LRRTM4: variants seen among roughly 807,000 people sequenced by gnomAD.
LRRTM4 encodes the protein leucine-rich repeat transmembrane neuronal protein 4.
Under a neutral mutation model 47.6 loss-of-function variants are expected in LRRTM4, and 25 were observed. The observed-to-expected ratio is 0.53, with a 90% CI of 0.38 to 0.73. The LOEUF (loss-of-function observed/expected upper bound fraction) is 0.73, where lower values mean the gene tolerates loss of function less well. Ranked by LOEUF, LRRTM4 falls within the 30% of genes least tolerant of loss-of-function variation. The pLI is 0.00. For missense variants in LRRTM4, 638 were observed against 713.4 expected (o/e 0.89, Z 1.20); for synonymous variants, 311 against 269.5 (o/e 1.15, Z -1.51).
At chr2:76,994,974 A>G (rs1677147603) in intron 3 of LRRTM4, among the ~76,000 whole-genome samples, 1 of 151,984 alleles carries the variant, frequency 6.6e-6, no homozygotes, top group Admixed American at 6.6e-5. Context: ...TGACATTTTT[A>G]TCTAAATCAA....
At chr2:77,137,429 G>C (rs982193585) in intron 3 of LRRTM4, among the ~76,000 whole-genome samples, 1 of 151,886 alleles carries the variant, frequency 6.6e-6, no homozygotes, top group Non-Finnish European at 1.5e-5. Flanking sequence ...AATGCTGAGA[G>C]ATTTTGTCAC....
chr2:76,796,852 T>C (rs1422228943), intron 3 of LRRTM4, among the ~76,000 whole-genome samples: 1 of 151,880 alleles, frequency 6.6e-6, no homozygotes, highest in Non-Finnish European at 1.5e-5. Flanking sequence ...GCTGATTCGA[T>C]CAACTGGAAG....
chr2:77,172,224 A>C (rs1673067928), intron 3 of LRRTM4, among the ~76,000 whole-genome samples: 1 of 152,236 alleles, frequency 6.6e-6, no homozygotes, highest in Non-Finnish European at 1.5e-5. Context: ...ACTATTGATG[A>C]AATGTTGGGA....
At chr2:77,061,508 G>A (rs1679783921) in intron 3 of LRRTM4, among the ~76,000 whole-genome samples, 1 of 152,150 alleles carries the variant, frequency 6.6e-6, no homozygotes, top group Non-Finnish European at 1.5e-5. Context: ...TTAGCCTGTT[G>A]TATCGCATCA....
intron 3 of LRRTM4, among the ~76,000 whole-genome samples, chr2:77,023,243 C>T (rs1678336738): frequency 6.6e-6 from 1 of 152,194 alleles, no homozygotes; most frequent in African/African-American, 2.4e-5. Flanking sequence ...AGACTGCACA[C>T]AGCACAGGGA....
intron 3 of LRRTM4, among the ~76,000 whole-genome samples, chr2:77,472,218 T>C (rs1274183000): frequency 6.6e-6 from 1 of 152,166 alleles, no homozygotes; most frequent in African/African-American, 2.4e-5. Context: ...AAGACTGCAA[T>C]GTACCTGACG....
intron 3 of LRRTM4, among the ~76,000 whole-genome samples, chr2:76,776,786 G>T (rs62172089): frequency 8.4e-3 from 965 of 115,076 alleles, no homozygotes; most frequent in African/African-American, 0.011. Flanking sequence ...GTCAATTTTG[G>T]CTTTTGTTGC....
chr2:76,780,219 T>G (rs553971200), intron 3 of LRRTM4, among the ~76,000 whole-genome samples: 1 of 152,308 alleles, frequency 6.6e-6, no homozygotes, highest in African/African-American at 2.4e-5. Flanking sequence ...TCAACTTTGG[T>G]GAATCTGACA....
intron 3 of LRRTM4, among the ~76,000 whole-genome samples, chr2:76,974,795 G>A (rs1676362711): frequency 6.6e-6 from 1 of 151,516 alleles, no homozygotes; most frequent in South Asian, 2.1e-4. Flanking sequence ...TACTACAAAA[G>A]TTGTTAAATT....
chr2:77,156,763 A>G (rs1672571397), intron 3 of LRRTM4, among the ~76,000 whole-genome samples: 1 of 149,486 alleles, frequency 6.7e-6, no homozygotes, highest in Non-Finnish European at 1.5e-5. Flanking sequence ...GCTAGAGTGC[A>G]GTGGCATAAT....
In LRRTM4 at chr2:77,362,166, A is replaced by AAGG. The variant is rs1558707453; in HGVS notation, c.1551+156151_1551+156152insCCT. Among the ~76,000 whole-genome samples, 153 of 110,410 alleles carry AAGG rather than the reference A, an allele frequency of 1.4e-3. 1 individual carries two copies. Among genetic ancestry groups the AAGG allele is most frequent in the African/African-American group, 4.5e-3 (94 of 20,848 alleles). 72.4% of individuals were successfully genotyped at this position (110,410 alleles called of 152,430 possible). ...GAAAGAAAGAAAGAAAGAAAGAAAGAAAGAAAGGAAGGAAGGAAGAGTTCT... is the reference window on the plus strand; with the variant it reads ...GAAAGAAAGAAAGAAAGAAAGAAAGAAGGAAGAAAGGAAGGAAGGAAGAGTTCT... On this transcript the variant is annotated intron_variant, in intron 3 of 3. Transcript: ENST00000409884.
intron 3 of LRRTM4, among the ~76,000 whole-genome samples, chr2:77,047,750 G>C (rs956263787): frequency 6.6e-6 from 1 of 152,014 alleles, no homozygotes; most frequent in Non-Finnish European, 1.5e-5. Flanking sequence ...AGGGACTGGG[G>C]ATTAGGATTT....
intron 3 of LRRTM4, among the ~76,000 whole-genome samples, chr2:76,935,964 A>C (rs1674931508): frequency 6.6e-6 from 1 of 152,160 alleles, no homozygotes; most frequent in African/African-American, 2.4e-5. Flanking sequence ...ACAGTGTGAT[A>C]TTGGCTATGA....
chr2:77,112,197 A>G (rs147732580), intron 3 of LRRTM4, among the ~76,000 whole-genome samples: 140 of 152,324 alleles, frequency 9.2e-4, no homozygotes, highest in African/African-American at 3.2e-3. Context: ...GAGGTCTGCA[A>G]TGTAATCATA....
chr2:77,334,108 C>G (rs1169042183), intron 3 of LRRTM4, among the ~76,000 whole-genome samples: 1 of 152,124 alleles, frequency 6.6e-6, no homozygotes, highest in Non-Finnish European at 1.5e-5. Context: ...CTATATTTAC[C>G]CAATTCCTGT....
intron 3 of LRRTM4, among the ~76,000 whole-genome samples, chr2:77,301,099 A>G (rs928842313): frequency 1.3e-5 from 2 of 152,096 alleles, no homozygotes; most frequent in African/African-American, 2.4e-5. Context: ...CAGCACTGAT[A>G]TAAACCTATC....
In LRRTM4 at chr2:76,879,302, C is replaced by T. The variant is rs531610876; in HGVS notation, c.1552-130386G>A. Among the ~76,000 whole-genome samples the T allele has an allele frequency of 4.6e-5, 7 of 152,164 alleles. No homozygotes were observed. In the South Asian group the frequency reaches 1.4e-3, roughly 31 times the overall value. ...CAAAGCTTCGCCGGAAAGGGTGACT[C>T]TCTTGTTAGGGGCTAATGCAGCTGA... is the stretch of plus-strand genomic sequence containing the variant. On this transcript the variant is annotated intron_variant, in intron 3 of 3. Transcript: ENST00000409884.
intron 3 of LRRTM4, among the ~76,000 whole-genome samples, chr2:76,795,850 T>C (rs906026980): frequency 1.3e-5 from 2 of 151,888 alleles, no homozygotes; most frequent in Non-Finnish European, 2.9e-5. Flanking sequence ...TGTCTACAGC[T>C]CCCAGCGTGA....
At chr2:76,935,219 T>C (rs1674903055) in intron 3 of LRRTM4, among the ~76,000 whole-genome samples, 1 of 152,188 alleles carries the variant, frequency 6.6e-6, no homozygotes, top group African/African-American at 2.4e-5. Context: ...TCAGGCCAAA[T>C]TGTATATTAT....
Sources: gnomAD v4.1 joint callset for allele counts (sites outside exome capture counted in the v4.1 genomes callset) on GRCh38, gnomAD v4.1.1 for gene constraint, MANE v1.5 for transcripts, NCBI Gene and HGNC (gene_info 2026-07-23, HGNC 2026-07-21) for gene names.